The following CNTNAP2 variants were observed in gnomAD, a reference collection of about 807,000 sequenced individuals.
CNTNAP2 encodes the protein contactin-associated protein-like 2.
CNTNAP2 carries 98 observed loss-of-function variants against 155.2 expected under a neutral mutation model. That is an observed-to-expected ratio of 0.63 (90% CI 0.54 to 0.75). The LOEUF is 0.75. CNTNAP2 is among the 30% of genes least tolerant of loss of function. The pLI, the probability that CNTNAP2 is intolerant of heterozygous loss-of-function variation, is 0.00. For synonymous variants in CNTNAP2, 651 were observed against 631.2 expected (o/e 1.03, Z -0.47); for missense variants, 1,727 against 1,688.1 (o/e 1.02, Z -0.40).
In CNTNAP2 at chr7:147,193,450, G is replaced by T. The variant is rs1802721112; in HGVS notation, c.1348+60941G>T. On this transcript the variant is annotated intron_variant, in intron 8 of 23. Transcript: ENST00000361727. ...GCCTCTGCTTTCTGGGGTGCACTAG[G>T]CTAAGCCCTGGAAACACAGAGAAGA... Among the ~76,000 whole-genome samples, 3 of 152,160 alleles carry T rather than the reference G, an allele frequency of 2.0e-5. No homozygotes were observed. In the South Asian group the frequency reaches 6.2e-4, roughly 32 times the overall value.
chr7:148,006,421 G>A (rs1386241824), intron 15 of CNTNAP2, among the ~76,000 whole-genome samples: 1 of 149,318 alleles, frequency 6.7e-6, no homozygotes, highest in African/African-American at 2.5e-5. Context: ...CCAGGTTCAA[G>A]TGATTCTCCT....
intron 1 of CNTNAP2, among the ~76,000 whole-genome samples, chr7:146,675,779 G>A (rs569386382): frequency 6.8e-6 from 1 of 147,594 alleles, no homozygotes; most frequent in South Asian, 2.1e-4. Context: ...GTGGAAATGA[G>A]TTATAAGACT....
At chr7:146,951,718 C>T (rs191171149) in intron 3 of CNTNAP2, among the ~76,000 whole-genome samples, 4 of 152,090 alleles carry the variant, frequency 2.6e-5, no homozygotes, top group Admixed American at 6.6e-5. Context: ...AATTTGAAGT[C>T]AGGTAGTGTG....
chr7:146,440,612 A>G lies in CNTNAP2; in HGVS notation c.97+323639A>G, dbSNP rs1016877114. Among the ~76,000 whole-genome samples the G allele has an allele frequency of 4.0e-5, 6 of 151,488 alleles. No individual in the cohort carries two copies. In the East Asian group the frequency reaches 1.2e-3, roughly 29 times the overall value. On this transcript the variant is annotated intron_variant, in intron 1 of 23. Coordinates refer to ENST00000361727, the MANE Select transcript of CNTNAP2 (RefSeq NM_014141.6). ...TTTTTAAAAAAATCAGACTCTTGAGAATTTCATTACCTAGCCCTCCACCAA... is the reference window on the plus strand; with the variant it reads ...TTTTTAAAAAAATCAGACTCTTGAGGATTTCATTACCTAGCCCTCCACCAA...
intron 12 of CNTNAP2, among the ~76,000 whole-genome samples, chr7:147,608,517 G>C (rs1379467056): frequency 6.6e-6 from 1 of 151,870 alleles, no homozygotes; most frequent in Non-Finnish European, 1.5e-5. Context: ...TCCCAGGCTG[G>C]TCTCAAGCTC....
chr7:147,122,001 C>T (rs1801124986), intron 6 of CNTNAP2: 1 of 152,030 alleles, frequency 6.6e-6, no homozygotes, highest in Non-Finnish European at 1.5e-5. Flanking sequence ...CATGGTGAAA[C>T]TCCGTCTCTG....
At chr7:147,069,978 C>A (rs575120800) in intron 4 of CNTNAP2, among the ~76,000 whole-genome samples, 170 of 152,294 alleles carry the variant, frequency 1.1e-3, no homozygotes, top group African/African-American at 3.9e-3. Context: ...AATAATCTAT[C>A]GGTCACAGCT....
At chr7:146,854,472 A>G (rs1301787040) in intron 3 of CNTNAP2, among the ~76,000 whole-genome samples, 4 of 152,184 alleles carry the variant, frequency 2.6e-5, no homozygotes, top group Non-Finnish European at 5.9e-5. Context: ...GAAAGAAACC[A>G]GGAACTGTTA....
chr7:146,275,623 A>T (rs1800151854), intron 1 of CNTNAP2, among the ~76,000 whole-genome samples: 1 of 152,132 alleles, frequency 6.6e-6, no homozygotes, highest in African/African-American at 2.4e-5. Flanking sequence ...CCTTCTGGCA[A>T]ATTGGCTATA....
At chr7:148,274,762 C>T (rs1430474033) in intron 21 of CNTNAP2, among the ~76,000 whole-genome samples, 1 of 152,176 alleles carries the variant, frequency 6.6e-6, no homozygotes, top group Non-Finnish European at 1.5e-5. Flanking sequence ...ATAAATTACC[C>T]AGTCTCAGAT....
intron 8 of CNTNAP2, among the ~76,000 whole-genome samples, chr7:147,253,956 C>T (rs1331783304): frequency 6.6e-6 from 1 of 152,170 alleles, no homozygotes; most frequent in Non-Finnish European, 1.5e-5. Context: ...TAACTTCCTC[C>T]AGCCCCACAG....
intron 13 of CNTNAP2, among the ~76,000 whole-genome samples, chr7:147,815,542 C>A (rs2116613151): frequency 6.6e-6 from 1 of 152,282 alleles, no homozygotes; most frequent in South Asian, 2.1e-4. Flanking sequence ...CCTTCTTCTG[C>A]TTCAAGCCAG....
chr7:148,362,084 C>A (rs1034815073), intron 21 of CNTNAP2, among the ~76,000 whole-genome samples: 1 of 152,082 alleles, frequency 6.6e-6, no homozygotes, highest in African/African-American at 2.4e-5. Flanking sequence ...TAGTGCGTGC[C>A]TGTAGTCTCA....
At chr7:147,741,957 G>A (rs949734365) in intron 13 of CNTNAP2, among the ~76,000 whole-genome samples, 6 of 152,166 alleles carry the variant, frequency 3.9e-5, no homozygotes, top group African/African-American at 1.2e-4. Flanking sequence ...AATTTCACGT[G>A]GCTGGGGAGG....
At chr7:147,931,750 T>C (rs1800508382) in intron 14 of CNTNAP2, among the ~76,000 whole-genome samples, 1 of 152,140 alleles carries the variant, frequency 6.6e-6, no homozygotes, top group Non-Finnish European at 1.5e-5. Context: ...TGAAAATAAG[T>C]GGAAAGACGT....
chr7:148,203,863 A>G (rs1198405774), intron 18 of CNTNAP2, among the ~76,000 whole-genome samples: 1 of 152,230 alleles, frequency 6.6e-6, no homozygotes, highest in Non-Finnish European at 1.5e-5. Flanking sequence ...GGGCCAGAAT[A>G]TGCAGGGTTA....
At chr7:146,303,906 CT>C (rs1209716688) in intron 1 of CNTNAP2, among the ~76,000 whole-genome samples, 2 of 152,012 alleles carry the variant, frequency 1.3e-5, no homozygotes. Flanking sequence ...GAGTCTAAGT[CT>C]CTTTGTAGGT....
At chr7:147,604,494 T>A (rs1801024519) in intron 12 of CNTNAP2, among the ~76,000 whole-genome samples, 1 of 152,238 alleles carries the variant, frequency 6.6e-6, no homozygotes, top group Admixed American at 6.5e-5. Flanking sequence ...CTTCGTTGTC[T>A]GCTGTTTCTT....
chr7:146,616,519 T>G (rs548448506), intron 1 of CNTNAP2, among the ~76,000 whole-genome samples: 1 of 152,198 alleles, frequency 6.6e-6, no homozygotes, highest in Admixed American at 6.5e-5. Context: ...CCAGCTTCAA[T>G]GAAGTTGTTC....
Sources: allele counts gnomAD v4.1 joint callset (sites outside exome capture counted in the v4.1 genomes callset), GRCh38; gene constraint gnomAD v4.1.1; transcripts MANE v1.5; gene names NCBI Gene and HGNC (gene_info 2026-07-23, HGNC 2026-07-21).